Variants in PAFAH1B1 observed in about 807,000 individuals in gnomAD.
The protein encoded by PAFAH1B1 is platelet-activating factor acetylhydrolase IB subunit beta.
A neutral mutation model predicts 57.5 loss-of-function variants in PAFAH1B1; 2 were observed. That is an observed-to-expected ratio of 0.03 (90% CI 0.01 to 0.11). The LOEUF is 0.11. PAFAH1B1 is among the 10% of genes least tolerant of loss of function. The pLI is 1.00. For missense variants in PAFAH1B1, 257 were observed against 512.0 expected (o/e 0.50, Z 4.81); for synonymous variants, 152 against 169.6 (o/e 0.90, Z 0.81).
chr17:2,666,302 G>A (rs1429976715), intron 4 of PAFAH1B1, among the ~76,000 whole-genome samples: 1 of 152,148 alleles, frequency 6.6e-6, no homozygotes, highest in Non-Finnish European at 1.5e-5. Flanking sequence ...GGTTCAATCT[G>A]CATAGTCCTG....
upstream of PAFAH1B1, chr17:2,593,376 G>C (rs1050469189): frequency 6.6e-6 from 1 of 152,610 alleles, no homozygotes; most frequent in Non-Finnish European, 1.5e-5. Flanking sequence ...CAGACGAGGG[G>C]CTGGGAAAAA....
At chr17:2,633,274 TCTC>T (rs1276283980) in intron 1 of PAFAH1B1, among the ~76,000 whole-genome samples, 2 of 151,850 alleles carry the variant, frequency 1.3e-5, no homozygotes, top group African/African-American at 2.4e-5. Flanking sequence ...TTCCAGCACT[TCTC>T]CTCCCTCAGC....
In PAFAH1B1 at chr17:2,600,367, C is replaced by G. The variant is rs911134508; in HGVS notation, c.-191+6361C>G. Among the ~76,000 whole-genome samples, 6 of 151,798 alleles carry G rather than the reference C, an allele frequency of 4.0e-5. No homozygotes were observed. The South Asian group carries it at 1.2e-3, about 32-fold the overall frequency. On this transcript the variant is annotated intron_variant, in intron 1 of 10. Coordinates refer to ENST00000397195, the MANE Select transcript of PAFAH1B1 (RefSeq NM_000430.4). ...GGCGGGCAGAAGGTGATCAGGAGTT[C>G]CAGACCAGCCTGGCCAATGTGGTGA...
At chr17:2,624,409 A>AC in intron 1 of PAFAH1B1, among the ~76,000 whole-genome samples, 1 of 152,296 alleles carries the variant, frequency 6.6e-6, no homozygotes, top group South Asian at 2.1e-4. Flanking sequence ...TGCTGCTGAT[A>AC]CAGACATACC....
intron 8 of PAFAH1B1, among the ~76,000 whole-genome samples, chr17:2,675,952 A>T (rs2069258479): frequency 6.6e-6 from 1 of 152,266 alleles, no homozygotes; most frequent in Non-Finnish European, 1.5e-5. Flanking sequence ...CTTGAAAAGT[A>T]AATTTATTAT....
At chr17:2,632,850 A>AG (rs1457031218) in intron 1 of PAFAH1B1, among the ~76,000 whole-genome samples, 1 of 152,180 alleles carries the variant, frequency 6.6e-6, no homozygotes. Flanking sequence ...AAAATCCTGG[A>AG]GGTCCTAGAA....
At chr17:2,639,347 G>A (rs1367435676) in intron 2 of PAFAH1B1, 1 of 152,044 alleles carries the variant, frequency 6.6e-6, no homozygotes, top group Non-Finnish European at 1.5e-5. Flanking sequence ...TTGCCTTGTT[G>A]TGTTTCTTTT....
At chr17:2,627,021 A>G (rs2068502709) in intron 1 of PAFAH1B1, among the ~76,000 whole-genome samples, 1 of 151,866 alleles carries the variant, frequency 6.6e-6, no homozygotes, top group Non-Finnish European at 1.5e-5. Flanking sequence ...GATTGTGAAG[A>G]TTTTCTCCCA....
At position 2,638,120 on chromosome 17, in the gene PAFAH1B1, G is replaced by A; in HGVS notation, c.-169G>A. ...TTAGGTGGAATGAATCTTACTTGTT[G>A]AATATCTTCTGGTTACTAGTTGGAT... On this transcript the variant is annotated 5_prime_UTR_variant, in exon 2 of 11. The change abolishes the stop of an existing upstream ORF in the 5' untranslated region. Coordinates refer to ENST00000397195, the MANE Select transcript of PAFAH1B1 (RefSeq NM_000430.4). The A allele has an allele frequency of 1.8e-6, 1 of 545,628 alleles. No homozygotes were observed. 33.8% of individuals were successfully genotyped at this position (545,628 alleles called of 1,614,324 possible). A position where few individuals can be genotyped will look rare whatever the true frequency, so the allele number is the denominator to read the frequency against.
chr17:2,651,291 T>G lies in PAFAH1B1; in HGVS notation c.32+12971T>G, dbSNP rs559220794. Reference sequence around the variant, plus strand: ...ATTGTAGCTTTACATTAATAATACATTTTGGCCGGGTGCGGTGGCTCACGT... The same window carrying G: ...ATTGTAGCTTTACATTAATAATACAGTTTGGCCGGGTGCGGTGGCTCACGT... On this transcript the variant is annotated intron_variant, in intron 2 of 10. Transcript: ENST00000397195. Among the ~76,000 whole-genome samples the G allele has an allele frequency of 2.8e-4, 43 of 151,996 alleles. No homozygotes were observed. In the Middle Eastern group the frequency reaches 0.01, roughly 36 times the overall value.
intron 2 of PAFAH1B1, among the ~76,000 whole-genome samples, chr17:2,645,075 C>T (rs758416): frequency 0.58 from 87,635 of 151,722 alleles, 27,889 homozygotes; most frequent in East Asian, 0.88. Flanking sequence ...GGTGAAACCC[C>T]GTCTCTACAA....
At chr17:2,651,705 G>A (rs757674910) in intron 2 of PAFAH1B1, among the ~76,000 whole-genome samples, 46 of 152,048 alleles carry the variant, frequency 3.0e-4, no homozygotes, top group African/African-American at 9.4e-4. Context: ...AGTGTTTTCC[G>A]TAGTAATTTT....
intron 1 of PAFAH1B1, chr17:2,613,406 G>A (rs573596636): frequency 8.0e-4 from 193 of 242,752 alleles, no homozygotes; most frequent in African/African-American, 4.2e-3. Context: ...TGTCATGGGG[G>A]ACAAGGGCTG....
At chr17:2,662,235 T>C (rs2069024615) in intron 2 of PAFAH1B1, among the ~76,000 whole-genome samples, 1 of 152,176 alleles carries the variant, frequency 6.6e-6, no homozygotes, top group Non-Finnish European at 1.5e-5. Flanking sequence ...TCATTCGTTA[T>C]GTTTGTAATA....
intron 2 of PAFAH1B1, among the ~76,000 whole-genome samples, chr17:2,649,404 C>T (rs989783293): frequency 6.6e-6 from 1 of 150,456 alleles, no homozygotes; most frequent in Non-Finnish European, 1.5e-5. Flanking sequence ...GAAACCCCAT[C>T]TCTACTAAAA....
At chr17:2,618,185 G>A (rs1403925424) in intron 1 of PAFAH1B1, among the ~76,000 whole-genome samples, 1 of 151,568 alleles carries the variant, frequency 6.6e-6, no homozygotes, top group Non-Finnish European at 1.5e-5. Flanking sequence ...GAGATGCGAG[G>A]TTGCAGTGAG....
In PAFAH1B1 at chr17:2,682,060, A is replaced by T; in HGVS notation, c.*258A>T. ...GGCTGGCATTGGTCACACCAGGCCT[A>T]AGAAGGCAGAAGTTGAATCAATTGA... On this transcript the variant is annotated 3_prime_UTR_variant, in exon 11 of 11. Coordinates refer to ENST00000397195, the MANE Select transcript of PAFAH1B1 (RefSeq NM_000430.4). 5.1e-6 allele frequency: 2 copies of T among 394,336 alleles called. No homozygotes were observed. Among genetic ancestry groups the T allele is most frequent in the Non-Finnish European group, 9.1e-6 (2 of 218,648 alleles). 24.4% of individuals were successfully genotyped at this position (394,336 alleles called of 1,614,324 possible).
intron 1 of PAFAH1B1, among the ~76,000 whole-genome samples, chr17:2,599,354 G>A (rs1435770412): frequency 2.0e-5 from 3 of 152,132 alleles, no homozygotes; most frequent in Admixed American, 6.5e-5. Flanking sequence ...TTTCTATAAC[G>A]ATTGGACTCC....
chr17:2,667,801 TA>T (rs2069127891), intron 5 of PAFAH1B1, among the ~76,000 whole-genome samples: 1 of 151,954 alleles, frequency 6.6e-6, no homozygotes, highest in South Asian at 2.1e-4. Context: ...CGTATTTCAT[TA>T]AAAAATTTTT....
Sources: allele counts gnomAD v4.1 joint callset (sites outside exome capture counted in the v4.1 genomes callset), GRCh38; gene constraint gnomAD v4.1.1; transcripts MANE v1.5; gene names NCBI Gene and HGNC (gene_info 2026-07-23, HGNC 2026-07-21).